The following PTPRQ variants were observed in gnomAD, a reference collection of about 807,000 sequenced individuals.
PTPRQ encodes the protein phosphatidylinositol phosphatase PTPRQ.
PTPRQ carries 199 observed loss-of-function variants against 246.0 expected under a neutral mutation model. The ratio of observed to expected loss-of-function variants is 0.81; its 90% CI spans 0.72 to 0.91. PTPRQ has a LOEUF of 0.91. PTPRQ is among the 40% of genes least tolerant of loss of function. The pLI, the probability that PTPRQ is intolerant of heterozygous loss-of-function variation, is 0.00. For missense variants in PTPRQ, 2,624 were observed against 2,528.4 expected, an observed-to-expected ratio of 1.04 and a Z score of -0.81; for synonymous variants, 869 against 853.2, an observed-to-expected ratio of 1.02 and a Z score of -0.32.
chr12:80,624,810 A>G (rs767750240), intron 33 of PTPRQ, among the ~76,000 whole-genome samples: 1 of 152,146 alleles, frequency 6.6e-6, no homozygotes, highest in African/African-American at 2.4e-5. Flanking sequence ...TGTCCAATCT[A>G]TTGGCTTTTC....
At chr12:80,544,496 A>G (rs79717937) in intron 23 of PTPRQ, among the ~76,000 whole-genome samples, 22,597 of 152,154 alleles carry the variant, frequency 0.15, 1,807 homozygotes, top group Middle Eastern at 0.19. Context: ...TCTTTATACC[A>G]TTAAGTATTC....
intron 25 of PTPRQ, among the ~76,000 whole-genome samples, chr12:80,550,356 G>T (rs1253544933): frequency 6.6e-6 from 1 of 152,038 alleles, no homozygotes; most frequent in East Asian, 1.9e-4. Flanking sequence ...CTTCACTGTA[G>T]ATATTGGCAA....
intron 22 of PTPRQ, 109 bp downstream of exon 22, chr12:80,542,473 A>C (rs1181012274): frequency 7.1e-7 from 1 of 1,409,950 alleles, no homozygotes; most frequent in Non-Finnish European, 9.3e-7. Context: ...TCTATTTGTA[A>C]CAGCCTTACC....
chr12:80,447,026 A>T (rs1411726498), intron 3 of PTPRQ, among the ~76,000 whole-genome samples: 1 of 152,016 alleles, frequency 6.6e-6, no homozygotes, highest in Admixed American at 6.6e-5. Flanking sequence ...TTCTAGCAAC[A>T]GTGTATTAGT....
Position 80,620,304 on chromosome 12 carries a change from A to G in PTPRQ, c.5540A>G (p.Asp1847Gly). ...GAAGAAATCTACATCATAGGTGCTGATAATGCATGCATGATTCCTGGCAAT... is the reference window on the plus strand; with the variant it reads ...GAAGAAATCTACATCATAGGTGCTGGTAATGCATGCATGATTCCTGGCAAT... Reference protein sequence around the residue: ...GNEEIYIIGADNACMIPGNED... With the variant: ...GNEEIYIIGAGNACMIPGNED... Residue 1847 changes from aspartate (D) to glycine (G), a missense_variant, in exon 32 of 45, where the codon GAT (aspartate) becomes GGT (glycine). Asp to Gly is a moderately conservative substitution (Grantham distance 94). Transcript: ENST00000644991. 1 of 1,549,578 alleles carries G rather than the reference A, an allele frequency of 6.5e-7. No homozygotes were observed. The highest frequency in any genetic ancestry group is 8.7e-7 in the Non-Finnish European group (1 of 1,145,590).
chr12:80,575,468 A>C (rs1401534487), intron 25 of PTPRQ, among the ~76,000 whole-genome samples: 1 of 151,990 alleles, frequency 6.6e-6, no homozygotes, highest in Non-Finnish European at 1.5e-5. Context: ...CTGTAGTTCC[A>C]CCTACTCAGG....
chr12:80,644,319 C>T (rs549803175), intron 35 of PTPRQ, among the ~76,000 whole-genome samples: 1 of 152,132 alleles, frequency 6.6e-6, no homozygotes, highest in Admixed American at 6.5e-5. Context: ...AGTGTTTAGC[C>T]CTTTCTATTG....
At chr12:80,646,612 T>A (rs1007439382) in intron 35 of PTPRQ, among the ~76,000 whole-genome samples, 4 of 151,504 alleles carry the variant, frequency 2.6e-5, no homozygotes, top group African/African-American at 9.7e-5. Flanking sequence ...GAGTGGCAGG[T>A]CCTTGTAGTA....
chr12:80,653,186 A>G (rs547305381), intron 38 of PTPRQ, among the ~76,000 whole-genome samples: 1 of 152,280 alleles, frequency 6.6e-6, no homozygotes, highest in Non-Finnish European at 1.5e-5. Flanking sequence ...TTTGTGCATT[A>G]GTTTCCCTTC....
chr12:80,675,898 T>C (rs906848192), intron 43 of PTPRQ, among the ~76,000 whole-genome samples: 1 of 152,174 alleles, frequency 6.6e-6, no homozygotes, highest in Admixed American at 6.5e-5. Context: ...TTGAGCTATG[T>C]CTCTTTTGTA....
chr12:80,457,900 A>C (rs143214231), intron 4 of PTPRQ, among the ~76,000 whole-genome samples: 10 of 152,212 alleles, frequency 6.6e-5, no homozygotes, highest in South Asian at 6.2e-4. Context: ...TTATCCATAG[A>C]CTTATCATAT....
rs933152390 is a variant in PTPRQ, at chr12:80,541,812, A to G, written c.3412A>G (p.Thr1138Ala). 1.4e-5 allele frequency: 22 copies of G among 1,549,718 alleles called. No homozygotes were observed. In the African/African-American group the frequency reaches 1.5e-4, roughly 11 times the overall value. The change falls in exon 21 of 45, where the codon ACT becomes GCT. Residue 1138 changes from threonine (T) to alanine (A), a missense_variant. Physicochemically the swap from Thr to Ala is moderately conservative, Grantham distance 58. Coordinates refer to ENST00000644991, the MANE Select transcript of PTPRQ (RefSeq NM_001145026.2). ...AGAAAAGGGATTCTCTGATACCTAT[A>G]CTGCCCAGCTATACATCAAGACTGA... ...STEKGFSDTY[T>A]AQLYIKTEED...
In PTPRQ at chr12:80,649,588, G is replaced by T. The variant is rs1488985462; in HGVS notation, c.5943G>T (p.Lys1981Asn). Residue 1981 changes from lysine to asparagine, a missense_variant and splice_region_variant, in exon 37 of 45, where the codon AAG becomes AAT. Physicochemically the swap from Lys to Asn is moderately conservative, Grantham distance 94. Coordinates refer to ENST00000644991, the MANE Select transcript of PTPRQ (RefSeq NM_001145026.2). ...TRLLSYRKSI[K>N]PISKKSFLQH... is the part of the protein sequence containing the mutation. The stretch of plus-strand genomic sequence containing the variant: ...ATTTTATACCTTTCTTTACTTGGAG[G>T]CCAATAAGCAAGAAATCCTTCCTGC... 8 of 1,549,030 alleles carry T rather than the reference G, an allele frequency of 5.2e-6. No individual in the cohort carries two copies. In the South Asian group the frequency reaches 9.6e-5, roughly 19 times the overall value.
chr12:80,629,482 G>A (rs1899340155), intron 33 of PTPRQ, among the ~76,000 whole-genome samples: 1 of 152,160 alleles, frequency 6.6e-6, no homozygotes, highest in Admixed American at 6.6e-5. Flanking sequence ...AGAAGCTGCT[G>A]CAAAAGCCAT....
chr12:80,482,749 T>C (rs912137206), intron 8 of PTPRQ, among the ~76,000 whole-genome samples: 11 of 151,268 alleles, frequency 7.3e-5, no homozygotes, highest in Non-Finnish European at 1.5e-4. Context: ...AGAAGACATT[T>C]ATGCAGCCAA....
intron 9 of PTPRQ, among the ~76,000 whole-genome samples, chr12:80,486,423 A>T (rs1295086834): frequency 6.6e-6 from 1 of 152,086 alleles, no homozygotes; most frequent in Non-Finnish European, 1.5e-5. Context: ...GTTTGGGTTT[A>T]CCTTTCAGGA....
chr12:80,571,352 C>T (rs1006601767), intron 25 of PTPRQ, among the ~76,000 whole-genome samples: 1 of 152,192 alleles, frequency 6.6e-6, no homozygotes, highest in African/African-American at 2.4e-5. Flanking sequence ...GTTGGTCAGG[C>T]TGGTCTCGAA....
intron 25 of PTPRQ, among the ~76,000 whole-genome samples, chr12:80,560,572 C>A (rs1285656073): frequency 1.3e-5 from 2 of 152,136 alleles, no homozygotes. Context: ...AACTATAGTT[C>A]TTGCACAGAA....
At chr12:80,480,919 A>C (rs1415307877) in intron 8 of PTPRQ, among the ~76,000 whole-genome samples, 9 of 152,148 alleles carry the variant, frequency 5.9e-5, no homozygotes, top group Non-Finnish European at 1.3e-4. Flanking sequence ...GACCGGATGG[A>C]TTCACAGCCG....
Sources: allele counts gnomAD v4.1 joint callset (sites outside exome capture counted in the v4.1 genomes callset), GRCh38; gene constraint gnomAD v4.1.1; transcripts MANE v1.5; gene names NCBI Gene and HGNC (gene_info 2026-07-23, HGNC 2026-07-21).